Variants in AKAP12 observed in about 807,000 individuals in gnomAD.
The protein encoded by AKAP12 is A-kinase anchor protein 12.
In AKAP12, 32 loss-of-function variants were observed where a neutral mutation model predicts 79.9. The observed-to-expected ratio is 0.40, with a 90% CI of 0.30 to 0.54. AKAP12 has a LOEUF of 0.54. Among genes scored for constraint, AKAP12 ranks in the 20% least tolerant of loss-of-function variants. AKAP12 has a pLI of 0.48. For missense variants in AKAP12, 2,074 were observed against 2,177.0 expected, an observed-to-expected ratio of 0.95 and a Z score of 0.94; for synonymous variants, 808 against 857.0, an observed-to-expected ratio of 0.94 and a Z score of 1.00.
chr6:151,325,575 T>C (rs2114785307), intron 3 of AKAP12: 1 of 1,309,398 alleles, frequency 7.6e-7, no homozygotes, highest in Non-Finnish European at 9.7e-7. Flanking sequence ...GTCCTGGAGC[T>C]CAGCAAGGGA....
intron 2 of AKAP12, among the ~76,000 whole-genome samples, chr6:151,297,202 A>ATGTG (rs535994368): frequency 6.8e-6 from 1 of 146,752 alleles, no homozygotes; most frequent in East Asian, 2.0e-4. Context: ...GTGTATGTGT[A>ATGTG]TGTGTGTGTG....
intron 2 of AKAP12, among the ~76,000 whole-genome samples, chr6:151,268,969 T>G (rs1234917298): frequency 1.4e-5 from 2 of 139,862 alleles, no homozygotes; most frequent in East Asian, 4.0e-4. Context: ...TTTTTTTTTT[T>G]TTTTTTTTTT....
chr6:151,298,354 G>A (rs1018029743), intron 2 of AKAP12, among the ~76,000 whole-genome samples: 9 of 152,170 alleles, frequency 5.9e-5, no homozygotes, highest in Non-Finnish European at 7.4e-5. Flanking sequence ...AGAGAAGAAC[G>A]CAGGCATGGA....
At position 151,350,902 on chromosome 6, in the gene AKAP12, C is replaced by A. The variant is rs142845224; in HGVS notation, c.2511C>A (p.Asn837Lys). 8 of 1,613,940 alleles carry A rather than the reference C, an allele frequency of 5.0e-6. No individual in the cohort carries two copies. The highest frequency in any genetic ancestry group is 5.9e-6 in the Non-Finnish European group (7 of 1,180,036). ...PVEDAGPTGA[N>K]EDDSDVPAVV... is the part of the protein sequence containing the mutation. ...AAGACGCAGGGCCAACAGGGGCCAA[C>A]GAAGATGACTCTGATGTCCCGGCCG... Residue 837 changes from asparagine to lysine, a missense_variant, in exon 4 of 5, where the codon AAC becomes AAA. Asn to Lys is a moderately conservative substitution (Grantham distance 94). Around this residue, in one of 3 missense-constraint regions of AKAP12, gnomAD observed 1,428 missense variants for 1,451.0 expected, o/e 0.98. Transcript: ENST00000402676. The surrounding 1 kb of genome is among the most constrained non-coding windows in gnomAD (Gnocchi z 4.8).
chr6:151,317,665 TACTGAAGTATGTG>T (rs1200104401), intron 3 of AKAP12, among the ~76,000 whole-genome samples: 2 of 152,232 alleles, frequency 1.3e-5, no homozygotes, highest in African/African-American at 4.8e-5. Context: ...GAGTCATTGA[TACTGAAGTATGTG>T]ACTGCTGGTA....
chr6:151,288,070 G>C (rs965907009), intron 2 of AKAP12, among the ~76,000 whole-genome samples: 2 of 151,970 alleles, frequency 1.3e-5, no homozygotes, highest in Middle Eastern at 3.2e-3. Flanking sequence ...GTTGGGGAGT[G>C]GGGGGCTAGG....
chr6:151,333,083 G>A (rs1162772061), intron 3 of AKAP12, among the ~76,000 whole-genome samples: 1 of 152,148 alleles, frequency 6.6e-6, no homozygotes, highest in Non-Finnish European at 1.5e-5. Flanking sequence ...GAGCTTTTTG[G>A]TTTTCCTCTT....
rs1461483615 is a variant in AKAP12 at position 151,305,823 on chromosome 6, A to T, written c.239A>T (p.Asp80Val). 6.2e-7 allele frequency: 1 copy of T among 1,613,996 alleles called. No homozygotes were observed. Among genetic ancestry groups the T allele is most frequent in the Admixed American group, 1.7e-5 (1 of 59,990 alleles). The change falls in exon 3 of 5, where the codon GAC becomes GTC. Residue 80 changes from aspartate (D) to valine (V), a missense_variant. Physicochemically the swap from Asp to Val is radical, Grantham distance 152. Around this residue, in one of 3 missense-constraint regions of AKAP12, gnomAD observed 1,428 missense variants for 1,451.0 expected, o/e 0.98. Transcript: ENST00000402676. ...EQDELSLQEG[D>V]LNGQKGALNG... ...GATGAGCTCAGCCTCCAGGAGGGTG[A>T]CCTAAATGGCCAGAAAGGAGCCCTG...
At chr6:151,248,141 T>C (rs1038698086) in intron 2 of AKAP12, among the ~76,000 whole-genome samples, 1 of 152,182 alleles carries the variant, frequency 6.6e-6, no homozygotes, top group African/African-American at 2.4e-5. Context: ...GGATTAAATT[T>C]TTCCTAATTC....
chr6:151,306,994 C>A (rs1423052127), intron 3 of AKAP12, among the ~76,000 whole-genome samples: 2 of 152,136 alleles, frequency 1.3e-5, no homozygotes, highest in East Asian at 3.9e-4. Context: ...CTTACTATGA[C>A]CAAGTCTGTA....
chr6:151,281,819 A>G (rs960451328), intron 2 of AKAP12, among the ~76,000 whole-genome samples: 1 of 150,880 alleles, frequency 6.6e-6, no homozygotes, highest in Non-Finnish European at 1.5e-5. Flanking sequence ...CTGAGTAGCT[A>G]GGAATACAGG....
intron 3 of AKAP12, among the ~76,000 whole-genome samples, chr6:151,341,477 G>C (rs1269197573): frequency 6.6e-6 from 1 of 152,242 alleles, no homozygotes; most frequent in Non-Finnish European, 1.5e-5. Flanking sequence ...GGGGCGGTCC[G>C]CAGGACCCCC....
At chr6:151,325,428 C>G (rs555360835) in intron 3 of AKAP12, 2 of 985,422 alleles carry the variant, frequency 2.0e-6, no homozygotes, top group South Asian at 4.7e-5. Flanking sequence ...GAACTCATGC[C>G]CAGCACCCTT....
At chr6:151,328,420 C>G (rs1317272703) in intron 3 of AKAP12, among the ~76,000 whole-genome samples, 1 of 151,122 alleles carries the variant, frequency 6.6e-6, no homozygotes, top group Non-Finnish European at 1.5e-5. Flanking sequence ...GGGCGGATCA[C>G]GAGGTCAGGA....
chr6:151,241,068 CT>C (rs1163657172), intron 2 of AKAP12, among the ~76,000 whole-genome samples: 2 of 152,202 alleles, frequency 1.3e-5, no homozygotes, highest in Non-Finnish European at 2.9e-5. Flanking sequence ...GGCGGAGGAG[CT>C]GCGCGGAGGG....
At chr6:151,320,898 A>G (rs975380537) in intron 3 of AKAP12, among the ~76,000 whole-genome samples, 2 of 152,168 alleles carry the variant, frequency 1.3e-5, no homozygotes, top group African/African-American at 4.8e-5. Flanking sequence ...CAGTTGACCC[A>G]TTTAAAGTAC....
rs1778255471 is a variant in AKAP12 at position 151,350,568 on chromosome 6, A to T, written c.2177A>T (p.Asp726Val). 6.2e-7 allele frequency: 1 copy of T among 1,614,116 alleles called. No homozygotes were observed. The highest frequency in any genetic ancestry group is 1.1e-5 in the South Asian group (1 of 91,074). Residue 726 changes from aspartate (D) to valine (V), a missense_variant, in exon 4 of 5, where the codon GAC becomes GTC. Transcript: ENST00000402676. The surrounding 1 kb of genome is among the most constrained non-coding windows in gnomAD (Gnocchi z 4.8). Reference sequence around the variant, plus strand: ...GGAAAAGACAAAGAGACGGGGACAGACGGGATCCTTGCTGGTTCCCAAGAA... The same window carrying T: ...GGAAAAGACAAAGAGACGGGGACAGTCGGGATCCTTGCTGGTTCCCAAGAA... The part of the protein sequence containing the change: ...EAGKDKETGT[D>V]GILAGSQEHD...
At position 151,350,717 on chromosome 6, in the gene AKAP12, C is replaced by T. The variant is rs774510500; in HGVS notation, c.2326C>T (p.Leu776=). The change falls in exon 4 of 5, where the codon CTG becomes TTG. Residue 776 remains leucine (L), a synonymous_variant. Coordinates refer to ENST00000402676, the MANE Select transcript of AKAP12 (RefSeq NM_005100.4). This position sits in a 1 kb window ranked among gnomAD's most constrained non-coding sequence, Gnocchi z 4.8. ...VTPRKKSKSK[L]EEKSEDSIAG... ...GCCAAGAAAAAAATCAAAGTCCAAG[C>T]TGGAAGAGAAAAGCGAAGACTCCAT... The T allele has an allele frequency of 6.2e-7, 1 of 1,613,878 alleles. No individual in the cohort carries two copies. Among genetic ancestry groups the T allele is most frequent in the South Asian group, 1.1e-5 (1 of 91,078 alleles).
chr6:151,357,334 T>C lies in AKAP12; in HGVS notation c.*1620T>C, dbSNP rs1312159311. ...CTACATTAAGGGTTTTGTCAGACAA[T>C]TGTCACACGAAGAATAGTGTCACTT... On this transcript the variant is annotated 3_prime_UTR_variant, in exon 5 of 5. Coordinates refer to ENST00000402676, the MANE Select transcript of AKAP12 (RefSeq NM_005100.4). 6.6e-6 allele frequency: 1 copy of C among 152,188 alleles called. No homozygotes were observed. Among genetic ancestry groups the C allele is most frequent in the Non-Finnish European group, 1.5e-5 (1 of 68,068 alleles). The allele number at this position is 152,188 out of a possible 1,614,324, so 9.4% of individuals were successfully genotyped here.
Sources: gnomAD v4.1 joint callset for allele counts (sites outside exome capture counted in the v4.1 genomes callset) on GRCh38, gnomAD v4.1.1 for gene constraint, gnomAD v4.1.1 regional missense constraint, Gnocchi (gnomAD v3.1) non-coding constraint, MANE v1.5 for transcripts, NCBI Gene and HGNC (gene_info 2026-07-23, HGNC 2026-07-21) for gene names.